The following MGAT4C variants were observed in gnomAD, a reference collection of about 807,000 sequenced individuals.
MGAT4C encodes MGAT4 family member C.
In MGAT4C, 19 loss-of-function variants were observed where a neutral mutation model predicts 40.1. That is an observed-to-expected ratio of 0.47 (90% CI 0.33 to 0.70). The LOEUF (loss-of-function observed/expected upper bound fraction) is 0.70. MGAT4C is among the 30% of genes least tolerant of loss of function. The probability of loss-of-function intolerance (pLI) is 0.02; values close to 1 mark genes in which losing one functional copy is unlikely to be tolerated. For missense variants in MGAT4C, 491 were observed against 563.2 expected (o/e 0.87, Z 1.30); for synonymous variants, 181 against 187.1 (o/e 0.97, Z 0.27).
At chr12:86,689,932 G>A (rs557857367) in intron 2 of MGAT4C, among the ~76,000 whole-genome samples, 1 of 152,154 alleles carries the variant, frequency 6.6e-6, no homozygotes, top group African/African-American at 2.4e-5. Flanking sequence ...CTCTCCCCAG[G>A]TGCTCTGTCC....
chr12:85,980,454 A>C (rs1272898009), intron 4 of MGAT4C, 24 bp from the exon 5 acceptor site: 2 of 1,539,604 alleles, frequency 1.3e-6, no homozygotes, highest in Non-Finnish European at 1.7e-6. Context: ...TTCAGAAGCA[A>C]TACAAATGTG....
chr12:86,411,778 G>A (rs1479082639), intron 3 of MGAT4C, among the ~76,000 whole-genome samples: 1 of 152,156 alleles, frequency 6.6e-6, no homozygotes, highest in Admixed American at 6.6e-5. Flanking sequence ...AATGGGTAAA[G>A]GGCCTCAGAG....
chr12:85,955,953 G>C lies in MGAT4C; in HGVS notation c.*23336C>G, dbSNP rs1882771201. 1 of 152,156 alleles carries C rather than the reference G, an allele frequency of 6.6e-6. No individual in the cohort carries two copies. The highest frequency in any genetic ancestry group is 1.9e-4 in the East Asian group (1 of 5,190). 9.4% of individuals were successfully genotyped at this position (152,156 alleles called of 1,614,324 possible). A position where few individuals can be genotyped will look rare whatever the true frequency, so the allele number is the denominator to read the frequency against. ...CTACAAGGTTAGTGCAATTACACTT[G>C]TTAGGGCACAGAGAATATTGGTATT... On this transcript the variant is annotated 3_prime_UTR_variant, in exon 5 of 5. Coordinates refer to ENST00000611864, the MANE Select transcript of MGAT4C (RefSeq NM_001351288.2).
At chr12:86,235,795 G>A (rs191376502) in intron 1 of MGAT4C, among the ~76,000 whole-genome samples, 15 of 152,042 alleles carry the variant, frequency 9.9e-5, no homozygotes, top group Admixed American at 5.9e-4. Context: ...TCATTAAAGC[G>A]TGATTCTGGA....
Position 86,621,729 on chromosome 12 carries a change from C to G in MGAT4C, c.-229+105480G>C, listed in dbSNP as rs79229116. Among the ~76,000 whole-genome samples, 29 of 152,274 alleles carry G rather than the reference C, an allele frequency of 1.9e-4. 3 individuals are homozygous for G. Among genetic ancestry groups the G allele is most frequent in the Admixed American group, 1.5e-3 (23 of 15,292 alleles). On this transcript the variant is annotated intron_variant, in intron 2 of 7. Transcript: ENST00000548651. ...CTGGGCTCAAGTGATCCTCCTACCT[C>G]AGTCTCCAAAAATATGAGGATTCCA... is the stretch of plus-strand genomic sequence containing the variant.
intron 1 of MGAT4C, among the ~76,000 whole-genome samples, chr12:86,794,895 A>G (rs1394306719): frequency 6.6e-6 from 1 of 151,902 alleles, no homozygotes; most frequent in Non-Finnish European, 1.5e-5. Context: ...AGCCAATATC[A>G]TTGTGAAAAT....
chr12:86,134,392 C>T (rs1422595617), intron 1 of MGAT4C, among the ~76,000 whole-genome samples: 1 of 151,868 alleles, frequency 6.6e-6, no homozygotes, highest in Non-Finnish European at 1.5e-5. Flanking sequence ...AATCTCCCAC[C>T]CCAAACCCAT....
At chr12:86,563,382 T>C (rs1959956352) in intron 2 of MGAT4C, among the ~76,000 whole-genome samples, 2 of 152,166 alleles carry the variant, frequency 1.3e-5, no homozygotes, top group African/African-American at 4.8e-5. Context: ...ATCACAGTGT[T>C]CCTAGAAGTG....
intron 4 of MGAT4C, among the ~76,000 whole-genome samples, chr12:86,303,718 C>G (rs201254272): frequency 6.6e-6 from 1 of 150,394 alleles, no homozygotes; most frequent in East Asian, 2.0e-4. Flanking sequence ...TATACAGAAA[C>G]ATAAAAATTA....
Position 86,028,290 on chromosome 12 carries a change from C to G in MGAT4C, c.-7+21384G>C, listed in dbSNP as rs1348740737. On this transcript the variant is annotated intron_variant, in intron 2 of 4. Coordinates refer to ENST00000611864, the MANE Select transcript of MGAT4C (RefSeq NM_001351288.2). ...TCTTGCCCTAGTAATTGACAGCATT[C>G]CCAACACCATGCCCTTTGTCTGCTG... is the stretch of plus-strand genomic sequence containing the variant. 9.4e-6 allele frequency: 6 copies of G among 635,728 alleles called. No homozygotes were observed. The Admixed American group carries it at 1.7e-4, about 18-fold the overall frequency. 39.4% of individuals were successfully genotyped at this position (635,728 alleles called of 1,614,324 possible).
chr12:86,729,028 A>G (rs1336946250), intron 1 of MGAT4C, among the ~76,000 whole-genome samples: 1 of 152,228 alleles, frequency 6.6e-6, no homozygotes, highest in Non-Finnish European at 1.5e-5. Flanking sequence ...TGATTATTAA[A>G]TAAGGTTTTA....
intron 2 of MGAT4C, among the ~76,000 whole-genome samples, chr12:86,001,114 TC>T (rs1331818246): frequency 6.6e-6 from 1 of 152,152 alleles, no homozygotes; most frequent in Non-Finnish European, 1.5e-5. Context: ...TCCCTCAATA[TC>T]TGATCAAATT....
chr12:86,267,057 T>C (rs1952804368), intron 4 of MGAT4C, among the ~76,000 whole-genome samples: 1 of 152,110 alleles, frequency 6.6e-6, no homozygotes, highest in South Asian at 2.1e-4. Flanking sequence ...TCAAATAATC[T>C]AGTTTTGTTT....
chr12:86,687,513 T>G (rs1165719430), intron 2 of MGAT4C, among the ~76,000 whole-genome samples: 1 of 152,240 alleles, frequency 6.6e-6, no homozygotes, highest in East Asian at 1.9e-4. Flanking sequence ...TTTAGCTGTT[T>G]CCCAGAAATT....
At chr12:86,721,944 C>T (rs1950743943) in intron 2 of MGAT4C, among the ~76,000 whole-genome samples, 1 of 152,062 alleles carries the variant, frequency 6.6e-6, no homozygotes, top group Non-Finnish European at 1.5e-5. Context: ...TTATTAATCT[C>T]ATGTCATTCA....
intron 2 of MGAT4C, among the ~76,000 whole-genome samples, chr12:86,446,538 T>G (rs2136283244): frequency 6.6e-6 from 1 of 151,132 alleles, no homozygotes; most frequent in South Asian, 2.1e-4. Context: ...ATCATTTATA[T>G]TGTCTTATTG....
At chr12:86,261,215 T>A (rs1056338401), upstream of MGAT4C, among the ~76,000 whole-genome samples, 1 of 152,126 alleles carries the variant, frequency 6.6e-6, no homozygotes, top group Non-Finnish European at 1.5e-5. Context: ...TTGGTGAACC[T>A]CTGCAGCAGA....
intron 1 of MGAT4C, among the ~76,000 whole-genome samples, chr12:86,249,674 C>T (rs555806168): frequency 6.4e-4 from 98 of 152,248 alleles, no homozygotes; most frequent in Non-Finnish European, 1.1e-3. Context: ...TTAGCTCTCC[C>T]TCACTCCTGC....
chr12:86,237,400 G>A (rs1256155849), intron 1 of MGAT4C, among the ~76,000 whole-genome samples: 17 of 151,652 alleles, frequency 1.1e-4, no homozygotes, highest in Non-Finnish European at 1.5e-5. Flanking sequence ...TACCGAGCAT[G>A]CTTTAAACAT....
Sources: allele counts gnomAD v4.1 joint callset (sites outside exome capture counted in the v4.1 genomes callset), GRCh38; gene constraint gnomAD v4.1.1; transcripts MANE v1.5; gene names NCBI Gene and HGNC (gene_info 2026-07-23, HGNC 2026-07-21).